PHEX: variants seen among roughly 807,000 people sequenced by gnomAD.
PHEX encodes the protein phosphate-regulating neutral endopeptidase PHEX.
In PHEX, 16 loss-of-function variants were observed where a neutral mutation model predicts 68.0. The observed-to-expected ratio is 0.24, with a 90% confidence interval of 0.16 to 0.36. The LOEUF is 0.36. PHEX is among the 10% of genes least tolerant of loss of function. The pLI is 1.00. For synonymous variants in PHEX, 208 were observed against 205.1 expected (o/e 1.01, Z -0.12); for missense variants, 480 against 575.5 (o/e 0.83, Z 1.70).
At chrX:22,221,894 C>G in intron 18 of PHEX, 151 bp downstream of exon 18, 2 of 538,632 alleles carry the variant, frequency 3.7e-6, no homozygotes, top group Non-Finnish European at 6.4e-6. Context: ...CTACCCCATA[C>G]CTGCTGAATC....
rs981510375 is a variant in PHEX at position 22,153,001 on chromosome X, T to C, written c.1405-15311T>C. Among the ~76,000 whole-genome samples, 5 of 109,857 alleles carry C rather than the reference T, an allele frequency of 4.6e-5. No individual in the cohort carries two copies. The Admixed American group carries it at 4.9e-4, about 11-fold the overall frequency. ...ATGAAGTAAATGATCAACTTTTTTT[T>C]TTTTTTTTGAGACAGGGTCTTGCTC... On this transcript the variant is annotated intron_variant, in intron 12 of 21. Transcript: ENST00000379374.
At chrX:22,171,370 T>C (rs891921665) in intron 13 of PHEX, 2 of 110,636 alleles carry the variant, frequency 1.8e-5, no homozygotes, top group Admixed American at 1.9e-4. Flanking sequence ...CTCCCTCCCT[T>C]GACATATGGG....
intron 3 of PHEX, among the ~76,000 whole-genome samples, chrX:22,072,852 T>A (rs748159246): frequency 5.4e-4 from 61 of 112,126 alleles, no homozygotes; most frequent in Admixed American, 1.4e-3. Flanking sequence ...TACTTTTCTG[T>A]ATGTTGTATT....
At chrX:22,081,395 G>T (rs1434328044) in intron 5 of PHEX, among the ~76,000 whole-genome samples, 1 of 111,766 alleles carries the variant, frequency 8.9e-6, no homozygotes, top group African/African-American at 3.3e-5. Flanking sequence ...TTCTTTTGCT[G>T]CTTGAAAGAT....
At chrX:22,246,056 C>G (rs1217678819) in intron 21 of PHEX, among the ~76,000 whole-genome samples, 1 of 111,684 alleles carries the variant, frequency 9.0e-6, no homozygotes, top group Non-Finnish European at 1.9e-5. Context: ...GTTAGAGAGT[C>G]TACATTTTGG....
In PHEX at chrX:22,249,450, AAAAAAATATATATATATAT is replaced by A. The variant is rs1380661720; in HGVS notation, c.*1499_*1517del. ...GTGATTTGTGATTCTTTTAAAAAAA[AAAAAAATATATATATATAT>A]ATATATATATATATATATGTATATC... On this transcript the variant is annotated 3_prime_UTR_variant, in exon 22 of 22. Transcript: ENST00000379374. 4.9e-5 allele frequency: 2 copies of A among 40,853 alleles called. No homozygotes were observed. Among genetic ancestry groups the A allele is most frequent in the African/African-American group, 2.2e-4 (2 of 9,251 alleles). 3.4% of individuals were successfully genotyped at this position (40,853 alleles called of 1,213,427 possible).
chrX:22,079,565 T>C (rs1929298479), intron 5 of PHEX, among the ~76,000 whole-genome samples: 1 of 111,421 alleles, frequency 9.0e-6, no homozygotes, highest in Admixed American at 9.6e-5. Context: ...AACTAGTTAA[T>C]TTTCAATTTT....
At chrX:22,064,807 AT>A (rs1209703603) in intron 3 of PHEX, among the ~76,000 whole-genome samples, 2 of 111,701 alleles carry the variant, frequency 1.8e-5, no homozygotes, top group East Asian at 2.8e-4. Flanking sequence ...AGGGAGAGAG[AT>A]TTTTTTCCCC....
At chrX:22,237,823 C>G (rs1261033239) in intron 20 of PHEX, among the ~76,000 whole-genome samples, 1 of 112,290 alleles carries the variant, frequency 8.9e-6, no homozygotes, top group Admixed American at 9.4e-5. Context: ...ATTTATGTGT[C>G]CTAGTTCAAT....
chrX:22,053,937 CCAA>C (rs1045955153), intron 3 of PHEX, among the ~76,000 whole-genome samples: 6 of 110,956 alleles, frequency 5.4e-5, no homozygotes, highest in Non-Finnish European at 1.1e-4. Context: ...CACCCCCTCC[CCAA>C]ATAATCTTTT....
At chrX:22,236,583 G>T (rs1212250364) in intron 20 of PHEX, among the ~76,000 whole-genome samples, 1 of 112,931 alleles carries the variant, frequency 8.9e-6, no homozygotes, top group Non-Finnish European at 1.9e-5. Flanking sequence ...GCCAAATATG[G>T]CCTGCTGCCT....
At chrX:22,238,214 T>A (rs998448253) in intron 20 of PHEX, among the ~76,000 whole-genome samples, 1 of 112,445 alleles carries the variant, frequency 8.9e-6, no homozygotes, top group Non-Finnish European at 1.9e-5. Flanking sequence ...GGGTGATTTC[T>A]GCATTTCCAA....
intron 2 of PHEX, among the ~76,000 whole-genome samples, chrX:22,041,263 CTCTATATATATATATATA>C (rs1316716389): frequency 1.1e-4 from 7 of 65,386 alleles, no homozygotes; most frequent in Non-Finnish European, 1.9e-4. Context: ...CTCTCTCTCT[CTCTATATATATATATATA>C]TATATATATA....
chrX:22,213,187 A>G (rs1934986920), intron 16 of PHEX, among the ~76,000 whole-genome samples: 1 of 112,196 alleles, frequency 8.9e-6, no homozygotes, highest in Non-Finnish European at 1.9e-5. Flanking sequence ...TTTCATTTTT[A>G]TGCATTTATT....
intron 11 of PHEX, among the ~76,000 whole-genome samples, 165 bp downstream of exon 11, chrX:22,114,751 G>C (rs1296097198): frequency 8.9e-6 from 1 of 111,854 alleles, no homozygotes; most frequent in Admixed American, 9.5e-5. Flanking sequence ...GTCATCAAAC[G>C]AGAGTGAGGA....
intron 15 of PHEX, among the ~76,000 whole-genome samples, chrX:22,196,691 A>T (rs1934378103): frequency 8.9e-6 from 1 of 112,727 alleles, no homozygotes; most frequent in African/African-American, 3.2e-5. Context: ...CTCAAATCAA[A>T]TTAAAGAAGT....
In PHEX at chrX:22,044,796, A is replaced by C. The variant is rs142947344; in HGVS notation, c.188-2254A>C. ...AATGTAATTAGAGACAACTGATGCTAGTTCTGAAGCACGAAAATGTTAAGC... is the reference window on the plus strand; with the variant it reads ...AATGTAATTAGAGACAACTGATGCTCGTTCTGAAGCACGAAAATGTTAAGC... On this transcript the variant is annotated intron_variant, in intron 2 of 21. Coordinates refer to ENST00000379374, the MANE Select transcript of PHEX (RefSeq NM_000444.6). Among the ~76,000 whole-genome samples, 30 of 111,707 alleles carry C rather than the reference A, an allele frequency of 2.7e-4. No homozygotes were observed. In the East Asian group the frequency reaches 8.3e-3, roughly 31 times the overall value.
chrX:22,208,782 C>T (rs766973255), intron 15 of PHEX, among the ~76,000 whole-genome samples: 3 of 111,701 alleles, frequency 2.7e-5, no homozygotes, highest in Admixed American at 9.5e-5. Flanking sequence ...CACACATGTA[C>T]GGATACAGTC....
chrX:22,234,914 C>T (rs113049974), intron 20 of PHEX, among the ~76,000 whole-genome samples: 341 of 111,395 alleles, frequency 3.1e-3, no homozygotes, highest in African/African-American at 0.01. Context: ...CCCAAATGGC[C>T]ACCCAGTTTT....
Sources: allele counts gnomAD v4.1 joint callset (sites outside exome capture counted in the v4.1 genomes callset), GRCh38; gene constraint gnomAD v4.1.1; transcripts MANE v1.5; gene names NCBI Gene and HGNC (gene_info 2026-07-23, HGNC 2026-07-21).